Variants in CRIM1 observed in about 807,000 individuals in gnomAD.
CRIM1 encodes cysteine-rich motor neuron 1 protein.
In CRIM1, 32 loss-of-function variants were observed where a neutral mutation model predicts 116.4. That is an observed-to-expected ratio of 0.27 (90% CI 0.21 to 0.37). CRIM1 has a LOEUF of 0.37. Among genes scored for constraint, CRIM1 ranks in the 10% least tolerant of loss-of-function variants. The probability of loss-of-function intolerance (pLI) is 1.00; values close to 1 mark genes in which losing one functional copy is unlikely to be tolerated. For missense variants in CRIM1, 1,331 were observed against 1,354.8 expected (o/e 0.98, Z 0.28); for synonymous variants, 590 against 509.2 (o/e 1.16, Z -2.13).
rs75368966 is a variant in CRIM1 at position 36,446,902 on chromosome 2, G to A, written c.869+4167G>A. Among the ~76,000 whole-genome samples the A allele has an allele frequency of 6.1e-3, 923 of 152,330 alleles. 6 individuals carry two copies. Among genetic ancestry groups the A allele is most frequent in the Non-Finnish European group, 9.8e-3 (668 of 68,030 alleles). On this transcript the variant is annotated intron_variant, in intron 4 of 16. Transcript: ENST00000280527. Reference sequence around the variant, plus strand: ...AGTCCCTTTGTGAGTGTCTGCATGTGTGTGCATGTACAGATGCTGCTGTGC... The same window carrying A: ...AGTCCCTTTGTGAGTGTCTGCATGTATGTGCATGTACAGATGCTGCTGTGC...
chr2:36,422,707 C>T (rs1674165547), intron 2 of CRIM1, among the ~76,000 whole-genome samples: 1 of 152,060 alleles, frequency 6.6e-6, no homozygotes, highest in Non-Finnish European at 1.5e-5. Context: ...AATTAAATTC[C>T]CCAGATTTAA....
chr2:36,512,671 A>G (rs948977194), intron 10 of CRIM1, among the ~76,000 whole-genome samples: 1 of 152,252 alleles, frequency 6.6e-6, no homozygotes, highest in African/African-American at 2.4e-5. Context: ...ACTTTAGCCT[A>G]AAGCACAATT....
chr2:36,420,485 A>G (rs1015337283), intron 2 of CRIM1, among the ~76,000 whole-genome samples: 8 of 152,180 alleles, frequency 5.3e-5, no homozygotes, highest in African/African-American at 1.9e-4. Flanking sequence ...GTCCGTCAAG[A>G]TTTAATGATC....
intron 1 of CRIM1, among the ~76,000 whole-genome samples, chr2:36,357,919 A>T (rs530124231): frequency 6.6e-6 from 1 of 152,358 alleles, no homozygotes; most frequent in East Asian, 1.9e-4. Flanking sequence ...CAATGGACCT[A>T]TTAAAAGGCT....
chr2:36,360,287 G>A (rs1241923814), intron 1 of CRIM1, among the ~76,000 whole-genome samples: 3 of 152,190 alleles, frequency 2.0e-5, no homozygotes, highest in Admixed American at 6.5e-5. Flanking sequence ...GAACCAGGTG[G>A]AGACTACTTG....
Position 36,550,570 on chromosome 2 carries a change from C to T in CRIM1, c.*1869C>T, listed in dbSNP as rs1389079820. 1 of 152,118 alleles carries T rather than the reference C, an allele frequency of 6.6e-6. No individual in the cohort carries two copies. The highest frequency in any genetic ancestry group is 1.5e-5 in the Non-Finnish European group (1 of 67,950). 9.4% of individuals were successfully genotyped at this position (152,118 alleles called of 1,614,324 possible). ...AAAATTAATTTATTATTATAATGAC[C>T]TAATTTATTAATCTGAAGATTAACC... On this transcript the variant is annotated 3_prime_UTR_variant, in exon 17 of 17. Coordinates refer to ENST00000280527, the MANE Select transcript of CRIM1 (RefSeq NM_016441.3).
At chr2:36,361,883 A>G (rs1669245901) in intron 1 of CRIM1, among the ~76,000 whole-genome samples, 1 of 152,138 alleles carries the variant, frequency 6.6e-6, no homozygotes. Flanking sequence ...TGAGGGAGAA[A>G]CAGTAGACTA....
intron 1 of CRIM1, among the ~76,000 whole-genome samples, chr2:36,365,740 T>G (rs1350921975): frequency 6.6e-6 from 1 of 151,172 alleles, no homozygotes. Context: ...GTTTGTGTTT[T>G]TTTTTTTTTT....
intron 4 of CRIM1, among the ~76,000 whole-genome samples, chr2:36,444,302 C>T (rs1676082600): frequency 6.6e-6 from 1 of 152,172 alleles, no homozygotes; most frequent in Non-Finnish European, 1.5e-5. Flanking sequence ...TATTTAGTCT[C>T]AATTTAAGAA....
At chr2:36,423,640 A>G (rs1674238137) in intron 2 of CRIM1, among the ~76,000 whole-genome samples, 1 of 152,206 alleles carries the variant, frequency 6.6e-6, no homozygotes, top group Non-Finnish European at 1.5e-5. Context: ...CTACCTGATT[A>G]TGGTACTAAA....
At chr2:36,470,617 C>T (rs182164066) in intron 5 of CRIM1, among the ~76,000 whole-genome samples, 40 of 152,192 alleles carry the variant, frequency 2.6e-4, no homozygotes, top group Admixed American at 6.5e-4. Flanking sequence ...AGACCTACTA[C>T]TCAGAAAAAG....
intron 2 of CRIM1, among the ~76,000 whole-genome samples, chr2:36,427,060 G>T (rs559529338): frequency 6.6e-6 from 1 of 152,032 alleles, no homozygotes; most frequent in Non-Finnish European, 1.5e-5. Context: ...AATTAGCCGG[G>T]TGTAGTGGTG....
At chr2:36,506,150 C>G (rs1049965016) in intron 8 of CRIM1, among the ~76,000 whole-genome samples, 116 of 108,846 alleles carry the variant, frequency 1.1e-3, no homozygotes, top group Middle Eastern at 8.6e-3. Context: ...CACACACACA[C>G]ACACACACTC....
At chr2:36,481,956 G>A (rs751891722) in intron 7 of CRIM1, among the ~76,000 whole-genome samples, 1 of 152,142 alleles carries the variant, frequency 6.6e-6, no homozygotes, top group African/African-American at 2.4e-5. Flanking sequence ...AACTACTCCA[G>A]GTATTTTGAA....
intron 13 of CRIM1, among the ~76,000 whole-genome samples, chr2:36,535,109 G>A (rs545029921): frequency 3.5e-3 from 452 of 127,474 alleles, no homozygotes; most frequent in African/African-American, 0.013. Context: ...AGGAGAGAGG[G>A]AAGGAGGGAG....
chr2:36,413,221 G>A (rs1387416692), intron 2 of CRIM1, among the ~76,000 whole-genome samples: 4 of 152,128 alleles, frequency 2.6e-5, no homozygotes, highest in Admixed American at 2.6e-4. Flanking sequence ...TCAGTGAAAT[G>A]TATGTCACCT....
At chr2:36,533,820 A>G (rs1666285583) in intron 13 of CRIM1, among the ~76,000 whole-genome samples, 1 of 152,174 alleles carries the variant, frequency 6.6e-6, no homozygotes, top group Non-Finnish European at 1.5e-5. Context: ...ATAGGTCAGT[A>G]TCATTCAGAA....
chr2:36,434,373 A>T (rs992506281), intron 2 of CRIM1, among the ~76,000 whole-genome samples: 3 of 152,228 alleles, frequency 2.0e-5, no homozygotes, highest in Non-Finnish European at 2.9e-5. Context: ...GTAGCTATTG[A>T]CTAAATATAC....
chr2:36,499,899 C>G (rs1362163176), intron 8 of CRIM1, among the ~76,000 whole-genome samples: 6 of 152,188 alleles, frequency 3.9e-5, no homozygotes, highest in Non-Finnish European at 4.4e-5. Context: ...TCCCCTAATT[C>G]TTCTGCCGGA....
Sources: gnomAD v4.1 joint callset for allele counts (sites outside exome capture counted in the v4.1 genomes callset) on GRCh38, gnomAD v4.1.1 for gene constraint, MANE v1.5 for transcripts, NCBI Gene and HGNC (gene_info 2026-07-23, HGNC 2026-07-21) for gene names.